EIF3J: variants seen among roughly 807,000 people sequenced by gnomAD.
EIF3J encodes eukaryotic translation initiation factor 3 subunit J, also known as eukaryotic translation initiation factor 3, subunit 1 (alpha, 35kD).
Under a neutral mutation model 39.0 loss-of-function variants are expected in EIF3J, and 15 were observed. The observed-to-expected ratio is 0.38, with a 90% CI of 0.26 to 0.59. The LOEUF (loss-of-function observed/expected upper bound fraction) is 0.59, where lower values mean the gene tolerates loss of function less well. Among genes scored for constraint, EIF3J ranks in the 20% least tolerant of loss-of-function variants. The pLI is 0.60. For missense variants in EIF3J, 226 were observed against 308.6 expected, an observed-to-expected ratio of 0.73 and a Z score of 2.00; for synonymous variants, 98 against 112.9, an observed-to-expected ratio of 0.87 and a Z score of 0.84.
chr15:44,543,222 GGAAGTGTGACCAGTCTCTTTT>G (rs2075216556), intron 2 of EIF3J, among the ~76,000 whole-genome samples: 2 of 152,114 alleles, frequency 1.3e-5, no homozygotes, highest in Admixed American at 1.3e-4. Context: ...ACATCTGTTT[GGAAGTGTGACCAGTCTCTTTT>G]TGCTGACACT....
chr15:44,559,584 G>A (rs1000819835), intron 6 of EIF3J, among the ~76,000 whole-genome samples: 7 of 151,912 alleles, frequency 4.6e-5, no homozygotes, highest in East Asian at 1.9e-4. Context: ...GCGGGCGCCT[G>A]TAGTCCCAGC....
intron 2 of EIF3J, among the ~76,000 whole-genome samples, chr15:44,544,378 G>T (rs1265064664): frequency 1.3e-5 from 2 of 150,594 alleles, no homozygotes; most frequent in African/African-American, 4.9e-5. Flanking sequence ...GATTACAGGC[G>T]TGAGCCAACT....
rs1407341786 is a variant in EIF3J, at chr15:44,561,533, C to G, written c.*384C>G. 1 of 158,402 alleles carries G rather than the reference C, an allele frequency of 6.3e-6. No homozygotes were observed. The highest frequency in any genetic ancestry group is 1.8e-4 in the East Asian group (1 of 5,600). The allele number at this position is 158,402 out of a possible 1,614,324, so 9.8% of individuals were successfully genotyped here. On this transcript the variant is annotated 3_prime_UTR_variant, in exon 8 of 8. Coordinates refer to ENST00000261868, the MANE Select transcript of EIF3J (RefSeq NM_003758.4). ...TTAACCATACCTCCTTGAACTACTT[C>G]ATAACTTGTCAAGAAAAGCAGTTTG... is the stretch of plus-strand genomic sequence containing the variant.
intron 6 of EIF3J, among the ~76,000 whole-genome samples, chr15:44,559,706 C>CAA (rs557407192): frequency 4.0e-5 from 5 of 125,964 alleles, no homozygotes; most frequent in Admixed American, 8.3e-5. Context: ...GACTCCATCT[C>CAA]AAAAAAAAAA....
intron 3 of EIF3J, 129 bp from the exon 4 acceptor site, chr15:44,551,302 T>G: frequency 1.5e-6 from 1 of 663,830 alleles, no homozygotes; most frequent in Admixed American, 2.9e-5. Flanking sequence ...TCCCATTATT[T>G]GTGAGAAAAA....
chr15:44,550,322 TAGTG>T (rs1177210154), intron 2 of EIF3J, among the ~76,000 whole-genome samples: 1 of 152,296 alleles, frequency 6.6e-6, no homozygotes, highest in East Asian at 1.9e-4. Flanking sequence ...GTTTTTATGA[TAGTG>T]AGTTGCCTAG....
Position 44,554,541 on chromosome 15 carries a change from G to A in EIF3J, c.295-12G>A, listed in dbSNP as rs772772001. 3 of 1,584,736 alleles carry A rather than the reference G, an allele frequency of 1.9e-6. No individual in the cohort carries two copies. In the South Asian group the frequency reaches 3.4e-5, roughly 18 times the overall value. ...ATCCCTGTGCTTTTTAAAAACTTTTGTCTCATTTTAGTTAGAAGAACCCGA... is the reference window on the plus strand; with the variant it reads ...ATCCCTGTGCTTTTTAAAAACTTTTATCTCATTTTAGTTAGAAGAACCCGA... On this transcript the variant is annotated splice_polypyrimidine_tract_variant and intron_variant, in intron 4 of 7. Coordinates refer to ENST00000261868, the MANE Select transcript of EIF3J (RefSeq NM_003758.4).
At chr15:44,553,926 T>TCCACAG (rs1213599493) in intron 4 of EIF3J, among the ~76,000 whole-genome samples, 1 of 152,238 alleles carries the variant, frequency 6.6e-6, no homozygotes, top group East Asian at 1.9e-4. Context: ...TTTTACCTTG[T>TCCACAG]CCACAGTCTC....
At chr15:44,560,544 G>C (rs113765740) in intron 7 of EIF3J, 109 of 504,616 alleles carry the variant, frequency 2.2e-4, no homozygotes, top group African/African-American at 1.9e-3. Flanking sequence ...ATCACAGACT[G>C]GGTTCAAATA....
intron 2 of EIF3J, among the ~76,000 whole-genome samples, chr15:44,544,267 T>C (rs1162708291): frequency 6.6e-6 from 1 of 151,610 alleles, no homozygotes; most frequent in African/African-American, 2.4e-5. Flanking sequence ...GCTAATTTTT[T>C]TTGTATTTTT....
chr15:44,543,842 G>T (rs2082031362), intron 2 of EIF3J, among the ~76,000 whole-genome samples: 1 of 152,142 alleles, frequency 6.6e-6, no homozygotes, highest in African/African-American at 2.4e-5. Flanking sequence ...TAGGGACAGG[G>T]ATAGAGGTGG....
At position 44,560,996 on chromosome 15, in the gene EIF3J, A is replaced by G. The variant is rs1384345472; in HGVS notation, c.646-22A>G. On this transcript the variant is annotated intron_variant, in intron 7 of 7. Transcript: ENST00000261868. ...GCCCATAGCACACTAAGGTTCATGA[A>G]TTAACTCTCTTTCATCTTTAGCAAA... The G allele has an allele frequency of 1.9e-6, 3 of 1,611,530 alleles. No homozygotes were observed. In the African/African-American group the frequency reaches 4.0e-5, roughly 22 times the overall value.
chr15:44,560,169 T>C (rs1274180219), intron 6 of EIF3J, 80 bp from the exon 7 acceptor site: 1 of 1,097,394 alleles, frequency 9.1e-7, no homozygotes, highest in Non-Finnish European at 1.3e-6. Flanking sequence ...TATAGATATA[T>C]ATGGAATGTA....
rs375391650 is a variant in EIF3J at position 44,554,600 on chromosome 15, A to G, written c.342A>G (p.Leu114=). The change falls in exon 5 of 8, where the codon TTA becomes TTG. Residue 114 remains leucine (L), a synonymous_variant. Coordinates refer to ENST00000261868, the MANE Select transcript of EIF3J (RefSeq NM_003758.4). The part of the protein sequence containing the change: ...EPKVLTPEEQ[L]ADKLRLKKLQ... ...AAGTGCTAACACCAGAAGAACAATTAGCAGATAAACTGCGGCTAAAGAAAT... is the reference window on the plus strand; with the variant it reads ...AAGTGCTAACACCAGAAGAACAATTGGCAGATAAACTGCGGCTAAAGAAAT... The G allele has an allele frequency of 2.7e-5, 43 of 1,612,858 alleles. No homozygotes were observed. In the African/African-American group the frequency reaches 5.1e-4, roughly 19 times the overall value.
chr15:44,539,563 G>A (rs2081991229), intron 2 of EIF3J, among the ~76,000 whole-genome samples: 1 of 150,992 alleles, frequency 6.6e-6, no homozygotes, highest in African/African-American at 2.4e-5. Context: ...ACCACGCCCG[G>A]CTAATTTTTT....
intron 2 of EIF3J, among the ~76,000 whole-genome samples, chr15:44,549,230 C>A (rs1458119333): frequency 6.6e-6 from 1 of 151,500 alleles, no homozygotes; most frequent in Non-Finnish European, 1.5e-5. Flanking sequence ...CCCATCTCTA[C>A]TAAAAATACA....
chr15:44,544,582 T>C (rs973768804), intron 2 of EIF3J, among the ~76,000 whole-genome samples: 1 of 151,042 alleles, frequency 6.6e-6, no homozygotes, highest in Non-Finnish European at 1.5e-5. Context: ...CACATGCCTG[T>C]AATCCCAGCC....
chr15:44,557,448 C>CT lies in EIF3J; in HGVS notation c.410-40dup, dbSNP rs772416170. ...TTGTAAGGTTTCATTTTTAAAAATC[C>CT]TAACCTCCTGATACTTTTCAGTGCT... On this transcript the variant is annotated intron_variant, in intron 5 of 7. Coordinates refer to ENST00000261868, the MANE Select transcript of EIF3J (RefSeq NM_003758.4). 6 of 1,432,710 alleles carry CT rather than the reference C, an allele frequency of 4.2e-6. No homozygotes were observed. In the South Asian group the frequency reaches 7.8e-5, roughly 19 times the overall value. The allele number at this position is 1,432,710 out of a possible 1,614,324, so 88.7% of individuals were successfully genotyped here.
intron 5 of EIF3J, among the ~76,000 whole-genome samples, chr15:44,556,353 GTT>G (rs1021310304): frequency 4.6e-5 from 7 of 152,002 alleles, no homozygotes; most frequent in African/African-American, 1.4e-4. Context: ...GTTGTGTTTT[GTT>G]TTTAGAGAAA....
Sources: gnomAD v4.1 joint callset for allele counts (sites outside exome capture counted in the v4.1 genomes callset) on GRCh38, gnomAD v4.1.1 for gene constraint, MANE v1.5 for transcripts, NCBI Gene and HGNC (gene_info 2026-07-23, HGNC 2026-07-21) for gene names.